Variants in CLSTN2 observed in about 807,000 individuals in gnomAD.
CLSTN2 encodes calsyntenin 2.
In CLSTN2, 48 loss-of-function variants were observed where a neutral mutation model predicts 101.2. The ratio of observed to expected loss-of-function variants is 0.47; its 90% CI spans 0.38 to 0.60. The LOEUF (loss-of-function observed/expected upper bound fraction) is 0.60. Ranked by LOEUF, CLSTN2 falls within the 20% of genes least tolerant of loss-of-function variation. The pLI, the probability that CLSTN2 is intolerant of heterozygous loss-of-function variation, is 0.00. For missense variants in CLSTN2, 1,160 were observed against 1,238.2 expected (o/e 0.94, Z 0.95); for synonymous variants, 481 against 463.6 (o/e 1.04, Z -0.48).
chr3:140,301,048 C>G (rs910548440), intron 2 of CLSTN2, among the ~76,000 whole-genome samples: 1 of 152,134 alleles, frequency 6.6e-6, no homozygotes, highest in East Asian at 1.9e-4. Flanking sequence ...GGGCAATTTC[C>G]TCCTTTCTCT....
intron 2 of CLSTN2, among the ~76,000 whole-genome samples, chr3:140,272,556 C>G (rs2086752654): frequency 6.6e-6 from 1 of 152,138 alleles, no homozygotes; most frequent in African/African-American, 2.4e-5. Context: ...TCGAGACCAG[C>G]CTGGCCAACA....
At chr3:140,315,250 T>A (rs533970113) in intron 2 of CLSTN2, among the ~76,000 whole-genome samples, 2 of 152,154 alleles carry the variant, frequency 1.3e-5, no homozygotes, top group Non-Finnish European at 2.9e-5. Flanking sequence ...TGTAAAATGA[T>A]GGGAAACCCT....
chr3:140,398,598 T>G (rs1394928869), intron 2 of CLSTN2, among the ~76,000 whole-genome samples: 1 of 152,116 alleles, frequency 6.6e-6, no homozygotes, highest in Non-Finnish European at 1.5e-5. Context: ...AACATCACAC[T>G]CACCCAGTAA....
chr3:139,954,599 C>G (rs1214678114), intron 1 of CLSTN2, among the ~76,000 whole-genome samples: 1 of 152,128 alleles, frequency 6.6e-6, no homozygotes, highest in African/African-American at 2.4e-5. Flanking sequence ...CTACATAACC[C>G]AAGTGTCTGG....
chr3:140,202,096 C>T (rs891474753), intron 2 of CLSTN2, among the ~76,000 whole-genome samples: 1 of 152,086 alleles, frequency 6.6e-6, no homozygotes, highest in African/African-American at 2.4e-5. Flanking sequence ...GCGGATCAAG[C>T]AGGGCTGTGG....
At chr3:140,435,659 TA>T (rs2088678546) in intron 5 of CLSTN2, among the ~76,000 whole-genome samples, 1 of 152,228 alleles carries the variant, frequency 6.6e-6, no homozygotes, top group African/African-American at 2.4e-5. Context: ...TTCTCCATAG[TA>T]GTTGTATTAA....
chr3:140,133,534 A>T (rs187949920), intron 1 of CLSTN2, among the ~76,000 whole-genome samples: 129 of 152,278 alleles, frequency 8.5e-4, no homozygotes, highest in African/African-American at 2.2e-3. Flanking sequence ...ATAACCAGGG[A>T]CTGGGTGGAA....
chr3:140,092,687 C>T (rs2008798952), intron 1 of CLSTN2, among the ~76,000 whole-genome samples: 1 of 152,202 alleles, frequency 6.6e-6, no homozygotes, highest in South Asian at 2.1e-4. Context: ...CTGATCCCTG[C>T]TCTCAAACCT....
chr3:140,118,219 G>A (rs1021862831), intron 1 of CLSTN2, among the ~76,000 whole-genome samples: 1 of 151,988 alleles, frequency 6.6e-6, no homozygotes, highest in South Asian at 2.1e-4. Context: ...CCCTGCTCTT[G>A]GACTTGTAGC....
intron 5 of CLSTN2, among the ~76,000 whole-genome samples, chr3:140,438,776 G>A (rs1003588343): frequency 6.6e-6 from 1 of 152,202 alleles, no homozygotes; most frequent in East Asian, 1.9e-4. Context: ...GATCTTAGAA[G>A]GATTGTCTTT....
chr3:140,118,091 C>A (rs549073020), intron 1 of CLSTN2, among the ~76,000 whole-genome samples: 1 of 151,614 alleles, frequency 6.6e-6, no homozygotes, highest in Admixed American at 6.6e-5. Flanking sequence ...ATATTGGTGT[C>A]TTATAAAAAG....
Position 140,569,975 on chromosome 3 carries a change from GC to G in CLSTN2, c.*3725del, listed in dbSNP as rs1985475079. ...TTATAGGAGTGAGCCACCGCACCCAGCCCTCATTACCACTTTCTTGAATTTA... is the reference window on the plus strand; with the variant it reads ...TTATAGGAGTGAGCCACCGCACCCAGCCTCATTACCACTTTCTTGAATTTA... On this transcript the variant is annotated 3_prime_UTR_variant, in exon 17 of 17. Transcript: ENST00000458420. The G allele has an allele frequency of 6.6e-6, 1 of 152,206 alleles. No individual in the cohort carries two copies. Among genetic ancestry groups the G allele is most frequent in the African/African-American group, 2.4e-5 (1 of 41,446 alleles). The allele number at this position is 152,206 out of a possible 1,614,324, so 9.4% of individuals were successfully genotyped here. A position where few individuals can be genotyped will look rare whatever the true frequency, so the allele number is the denominator to read the frequency against.
intron 2 of CLSTN2, among the ~76,000 whole-genome samples, chr3:140,236,473 T>C (rs1324939687): frequency 6.6e-6 from 1 of 152,210 alleles, no homozygotes; most frequent in Non-Finnish European, 1.5e-5. Flanking sequence ...TTGTCATTTC[T>C]TCCACTTCAG....
chr3:140,546,780 G>T (rs1157526277), intron 10 of CLSTN2, 99 bp downstream of exon 10: 3 of 1,178,214 alleles, frequency 2.5e-6, no homozygotes, highest in Non-Finnish European at 3.5e-6. Flanking sequence ...TTCCTGGAAC[G>T]TTACACAGAA....
chr3:140,467,340 A>G (rs1172068124), intron 8 of CLSTN2, among the ~76,000 whole-genome samples: 2 of 152,206 alleles, frequency 1.3e-5, no homozygotes, highest in Non-Finnish European at 2.9e-5. Context: ...ACTGTGGAGC[A>G]TTAACGGTGG....
chr3:140,447,764 G>C (rs74422688), intron 5 of CLSTN2, among the ~76,000 whole-genome samples: 5,303 of 152,186 alleles, frequency 0.035, 324 homozygotes, highest in African/African-American at 0.12. Context: ...TAAAAAATGG[G>C]GTGAGGGGCA....
At chr3:140,433,332 T>G (rs938493022) in intron 5 of CLSTN2, among the ~76,000 whole-genome samples, 1 of 152,216 alleles carries the variant, frequency 6.6e-6, no homozygotes. Context: ...CAACCTTAGA[T>G]GACCTCTCAG....
rs566353675 is a variant in CLSTN2 at position 140,003,893 on chromosome 3, G to A, written c.109+68410G>A. 2.2e-4 allele frequency among the ~76,000 whole-genome samples: 34 copies of A among 152,178 alleles called. No individual in the cohort carries two copies. The South Asian group carries it at 6.6e-3, about 30-fold the overall frequency. The stretch of plus-strand genomic sequence containing the variant: ...TTAAAGTCCTTGTTGCCACTCCAAT[G>A]TATGGATTATCCATGAGTCCATTTC... On this transcript the variant is annotated intron_variant, in intron 1 of 16. Coordinates refer to ENST00000458420, the MANE Select transcript of CLSTN2 (RefSeq NM_022131.3).
chr3:140,476,232 C>G (rs575443700), intron 8 of CLSTN2, among the ~76,000 whole-genome samples: 1 of 152,200 alleles, frequency 6.6e-6, no homozygotes, highest in Non-Finnish European at 1.5e-5. Flanking sequence ...CGTTGCTAAT[C>G]CTGCTTACTT....
Sources: gnomAD v4.1 joint callset for allele counts (sites outside exome capture counted in the v4.1 genomes callset) on GRCh38, gnomAD v4.1.1 for gene constraint, MANE v1.5 for transcripts, NCBI Gene and HGNC (gene_info 2026-07-23, HGNC 2026-07-21) for gene names.